NDUFA8: variants seen among roughly 807,000 people sequenced by gnomAD.
NDUFA8 encodes the protein NADH dehydrogenase [ubiquinone] 1 alpha subcomplex subunit 8.
A neutral mutation model predicts 20.9 loss-of-function variants in NDUFA8; 16 were observed. That is an observed-to-expected ratio of 0.77 (90% CI 0.52 to 1.16). The LOEUF is 1.16. Ranked by LOEUF, NDUFA8 falls within the 50% of genes most tolerant of loss-of-function variation. The pLI is 0.00. For missense variants in NDUFA8, 202 were observed against 216.4 expected (o/e 0.93, Z 0.42); for synonymous variants, 70 against 76.1 (o/e 0.92, Z 0.41).
the NDUFA8 span, among the ~76,000 whole-genome samples, chr9:122,133,853 A>G: frequency 6.6e-6 from 1 of 152,208 alleles, no homozygotes; most frequent in African/African-American, 2.4e-5. Flanking sequence ...GCTTCAAACA[A>G]TAGCGCTGTC....
chr9:122,134,112 G>A, the NDUFA8 span, among the ~76,000 whole-genome samples: 2 of 152,316 alleles, frequency 1.3e-5, no homozygotes, highest in African/African-American at 4.8e-5. Flanking sequence ...ACAGTAGTAG[G>A]GCTGGTGGCC....
chr9:122,153,440 A>G (rs1829035384), intron 1 of NDUFA8, among the ~76,000 whole-genome samples: 1 of 83,356 alleles, frequency 1.2e-5, no homozygotes, highest in South Asian at 3.6e-4. Flanking sequence ...ATAAAGTACT[A>G]AAATCTGCAA....
intron 2 of NDUFA8, among the ~76,000 whole-genome samples, chr9:122,149,833 C>T (rs1409700553): frequency 1.3e-5 from 2 of 151,938 alleles, no homozygotes; most frequent in African/African-American, 2.4e-5. Context: ...GGCACACACC[C>T]GTAATCCCAG....
Position 122,152,383 on chromosome 9 carries a change from T to G in NDUFA8, c.77A>C (p.Lys26Thr). The G allele has an allele frequency of 6.2e-7, 1 of 1,614,134 alleles. No homozygotes were observed. Among genetic ancestry groups the G allele is most frequent in the East Asian group, 2.2e-5 (1 of 44,878 alleles). ...AGCTCCATAGTGATGGGCCGCAGCT[T>G]TAAGCACAGCAGAACTAATTTTCAC... ...DEVKISSAVL[K>T]AAAHHYGAQC... Residue 26 changes from lysine (K) to threonine (T), a missense_variant, in exon 2 of 4, where the codon AAA (lysine) becomes ACA (threonine). Transcript: ENST00000373768.
intron 3 of NDUFA8, 111 bp downstream of exon 3, chr9:122,148,001 T>C: frequency 7.9e-7 from 1 of 1,272,792 alleles, no homozygotes; most frequent in Non-Finnish European, 1.1e-6. Flanking sequence ...TTGGTAAATC[T>C]GGTAAGTTCT....
At position 122,159,735 on chromosome 9, in the gene NDUFA8, T is replaced by C. The variant is rs897394378; in HGVS notation, c.-58A>G. On this transcript the variant is annotated 5_prime_UTR_variant, in exon 1 of 4. Coordinates refer to ENST00000373768, the MANE Select transcript of NDUFA8 (RefSeq NM_014222.3). The stretch of plus-strand genomic sequence containing the variant: ...CTCAGCCGCGTCGCCCCCGTCTCCT[T>C]GAACTCCCCTTTCGACCGCCGAGTG... 7.4e-6 allele frequency: 12 copies of C among 1,612,268 alleles called. No individual in the cohort carries two copies. The highest frequency in any genetic ancestry group is 1.3e-5 in the African/African-American group (1 of 74,892).
At chr9:122,155,022 A>G (rs1406547508) in intron 1 of NDUFA8, among the ~76,000 whole-genome samples, 1 of 152,216 alleles carries the variant, frequency 6.6e-6, no homozygotes, top group African/African-American at 2.4e-5. Flanking sequence ...ACTCTACTGA[A>G]TTTGATTTGT....
chr9:122,137,996 T>C, the NDUFA8 span, among the ~76,000 whole-genome samples: 1 of 152,200 alleles, frequency 6.6e-6, no homozygotes, highest in African/African-American at 2.4e-5. Context: ...AGTTCTTTGG[T>C]ATGAATTCAC....
the NDUFA8 span, among the ~76,000 whole-genome samples, chr9:122,133,514 G>A: frequency 3.9e-5 from 6 of 152,232 alleles, no homozygotes; most frequent in African/African-American, 9.7e-5. Flanking sequence ...ATGGTGGAAG[G>A]TGAATCTCAC....
chr9:122,153,266 C>A (rs1360785609), intron 1 of NDUFA8, among the ~76,000 whole-genome samples: 233 of 120,280 alleles, frequency 1.9e-3, no homozygotes, highest in African/African-American at 2.6e-3. Context: ...GACTCTGTCT[C>A]AAAAAAAAAA....
At chr9:122,144,023 CA>C, downstream of NDUFA8, 3 of 1,379,718 alleles carry the variant, frequency 2.2e-6, no homozygotes, top group East Asian at 2.8e-5. Flanking sequence ...CTTTAAAGGC[CA>C]AAAGGTCACA....
chr9:122,136,147 TTTTCTCTCTC>T, the NDUFA8 span, among the ~76,000 whole-genome samples: 1 of 152,246 alleles, frequency 6.6e-6, no homozygotes, highest in South Asian at 2.1e-4. Flanking sequence ...AACAGAAGCT[TTTTCTCTCTC>T]TTTCTCTCTC....
rs774181578 is a variant in NDUFA8, at chr9:122,148,196, G to A, written c.297C>T (p.His99=). 9.3e-6 allele frequency: 15 copies of A among 1,614,072 alleles called. No individual in the cohort carries two copies. The highest frequency in any genetic ancestry group is 2.2e-5 in the East Asian group (1 of 44,884). The change falls in exon 3 of 4, where the codon CAC becomes CAT. Residue 99 remains histidine, a synonymous_variant. Coordinates refer to ENST00000373768, the MANE Select transcript of NDUFA8 (RefSeq NM_014222.3). ...CAAACTTTGCCTGCTGTTTGCGACAGTGACGAAATAACTGCTGGCCAGTAT... is the reference window on the plus strand; with the variant it reads ...CAAACTTTGCCTGCTGTTTGCGACAATGACGAAATAACTGCTGGCCAGTAT... ...IDYTGQQLFR[H]CRKQQAKFDE... is the part of the protein sequence containing the mutation.
chr9:122,154,239 T>C (rs190090954), intron 1 of NDUFA8, among the ~76,000 whole-genome samples: 2 of 152,352 alleles, frequency 1.3e-5, no homozygotes, highest in Admixed American at 1.3e-4. Context: ...CAAAATAGTG[T>C]CTAGCACAAG....
intron 3 of NDUFA8, among the ~76,000 whole-genome samples, chr9:122,145,596 C>T (rs892476917): frequency 6.6e-6 from 1 of 152,176 alleles, no homozygotes; most frequent in African/African-American, 2.4e-5. Context: ...TTTGTGTATA[C>T]AATCACCCAA....
downstream of NDUFA8, chr9:122,144,009 T>C (rs1828860402): frequency 1.5e-6 from 2 of 1,307,658 alleles, no homozygotes; most frequent in East Asian, 6.0e-5. Flanking sequence ...CAAGGGGAAG[T>C]CATCTTTAAA....
At chr9:122,143,591 C>A (rs1239486083), downstream of NDUFA8, among the ~76,000 whole-genome samples, 2 of 152,186 alleles carry the variant, frequency 1.3e-5, no homozygotes, top group Non-Finnish European at 2.9e-5. Context: ...CTCCACCTCC[C>A]TTGTCTATCA....
chr9:122,148,207 A>G lies in NDUFA8; in HGVS notation c.286T>C (p.Leu96=). The G allele has an allele frequency of 6.2e-7, 1 of 1,614,152 alleles. No individual in the cohort carries two copies. Among genetic ancestry groups the G allele is most frequent in the Non-Finnish European group, 8.5e-7 (1 of 1,180,022 alleles). Residue 96 remains leucine, a synonymous_variant, in exon 3 of 4, where the codon TTA becomes CTA. Transcript: ENST00000373768. ...TGCTGTTTGCGACAGTGACGAAATA[A>G]CTGCTGGCCAGTATAATCAATGCAA... ...WTCIDYTGQQ[L]FRHCRKQQAK... is the part of the protein sequence containing the mutation.
chr9:122,153,836 C>G (rs1829039676), intron 1 of NDUFA8, among the ~76,000 whole-genome samples: 1 of 152,304 alleles, frequency 6.6e-6, no homozygotes, highest in Admixed American at 6.5e-5. Context: ...AATTAGGGAA[C>G]AATGGGCAGT....
Sources: gnomAD v4.1 joint callset for allele counts (sites outside exome capture counted in the v4.1 genomes callset) on GRCh38, gnomAD v4.1.1 for gene constraint, MANE v1.5 for transcripts, NCBI Gene and HGNC (gene_info 2026-07-23, HGNC 2026-07-21) for gene names.